The following MAPK8IP3 variants were observed in gnomAD, a reference collection of about 807,000 sequenced individuals.
MAPK8IP3 encodes C-Jun-amino-terminal kinase-interacting protein 3.
A neutral mutation model predicts 157.8 loss-of-function variants in MAPK8IP3; 49 were observed. The observed-to-expected ratio is 0.31, with a 90% confidence interval of 0.25 to 0.39. The LOEUF is 0.39. MAPK8IP3 is among the 10% of genes least tolerant of loss of function. MAPK8IP3 has a pLI of 1.00. For missense variants in MAPK8IP3, 1,478 were observed against 1,889.4 expected (o/e 0.78, Z 4.04); for synonymous variants, 897 against 777.7 (o/e 1.15, Z -2.55).
At chr16:1,754,029 T>C (rs1260468737) in intron 8 of MAPK8IP3, among the ~76,000 whole-genome samples, 1 of 151,706 alleles carries the variant, frequency 6.6e-6, no homozygotes, top group Non-Finnish European at 1.5e-5. Context: ...AAGAATTAAC[T>C]GAGTGCAGTG....
At chr16:1,722,302 C>A (rs1228984899) in intron 1 of MAPK8IP3, among the ~76,000 whole-genome samples, 1 of 152,202 alleles carries the variant, frequency 6.6e-6, no homozygotes, top group East Asian at 1.9e-4. Flanking sequence ...GCCTGCCCCT[C>A]CCGCCTCTGT....
At chr16:1,736,221 C>CAT (rs2039793967) in intron 4 of MAPK8IP3, among the ~76,000 whole-genome samples, 2 of 97,960 alleles carry the variant, frequency 2.0e-5, no homozygotes, top group African/African-American at 8.1e-5. Flanking sequence ...TCCGTGTGAG[C>CAT]GTCCGTGTAA....
chr16:1,744,619 C>T (rs982899693), intron 5 of MAPK8IP3: 2 of 985,452 alleles, frequency 2.0e-6, no homozygotes, highest in Non-Finnish European at 2.4e-6. Context: ...CTTCCCGGGC[C>T]TGGAGCTGGG....
chr16:1,723,435 C>A (rs924981508), intron 1 of MAPK8IP3, among the ~76,000 whole-genome samples: 1 of 152,034 alleles, frequency 6.6e-6, no homozygotes, highest in African/African-American at 2.4e-5. Context: ...ACAGCGTGAG[C>A]CACTGTGCCC....
chr16:1,725,650 AAAG>A (rs964992213), intron 2 of MAPK8IP3, among the ~76,000 whole-genome samples: 11 of 152,242 alleles, frequency 7.2e-5, no homozygotes, highest in South Asian at 2.1e-4. Context: ...AAAATTTAAA[AAAG>A]AAGAAGTGAT....
Position 1,758,167 on chromosome 16 carries a change from T to G in MAPK8IP3, c.1228+8T>G, listed in dbSNP as rs1324002435. 1 of 1,613,670 alleles carries G rather than the reference T, an allele frequency of 6.2e-7. No individual in the cohort carries two copies. The highest frequency in any genetic ancestry group is 1.1e-5 in the South Asian group (1 of 91,024). On this transcript the variant is annotated splice_region_variant and intron_variant, in intron 9 of 31. Transcript: ENST00000610761. ...CGCCAGGGGAGTTCTCAGGTGAGTA[T>G]CTCACTCTCCTGTCTGTCTCCCCTC...
chr16:1,724,315 G>A lies in MAPK8IP3; in HGVS notation c.319-242G>A, dbSNP rs2038726405. On this transcript the variant is annotated intron_variant, in intron 1 of 31. Transcript: ENST00000610761. This position sits in a 1 kb window ranked among gnomAD's most constrained non-coding sequence, Gnocchi z 4.1. ...GCAAATCCTCCCGGGAGAGGAGGGT[G>A]CAATCATGCAGTCCTGGAGGGCTCT... 6.6e-6 allele frequency among the ~76,000 whole-genome samples: 1 copy of A among 152,224 alleles called. No individual in the cohort carries two copies. Among genetic ancestry groups the A allele is most frequent in the Non-Finnish European group, 1.5e-5 (1 of 68,042 alleles).
At chr16:1,720,544 C>T (rs371655839) in intron 1 of MAPK8IP3, among the ~76,000 whole-genome samples, 6 of 152,054 alleles carry the variant, frequency 3.9e-5, no homozygotes, top group African/African-American at 1.4e-4. Context: ...ACAAGATGAT[C>T]GTACATCTGC....
chr16:1,743,634 T>A lies in MAPK8IP3; in HGVS notation c.747+158T>A. 1 of 1,445,994 alleles carries A rather than the reference T, an allele frequency of 6.9e-7. No individual in the cohort carries two copies. The highest frequency in any genetic ancestry group is 9.0e-7 in the Non-Finnish European group (1 of 1,107,222). 89.6% of individuals were successfully genotyped at this position (1,445,994 alleles called of 1,614,324 possible). ...GCAGGATGGAGAAACCCAGCCAGGGTGTCAGGGGCTCAGGCTGCCCAGCAG... is the reference window on the plus strand; with the variant it reads ...GCAGGATGGAGAAACCCAGCCAGGGAGTCAGGGGCTCAGGCTGCCCAGCAG... On this transcript the variant is annotated intron_variant, in intron 5 of 31. Transcript: ENST00000610761. The surrounding 1 kb of genome is among the most constrained non-coding windows in gnomAD (Gnocchi z 5.6).
chr16:1,735,595 G>A (rs1435762603), intron 4 of MAPK8IP3, among the ~76,000 whole-genome samples: 1 of 140,060 alleles, frequency 7.1e-6, no homozygotes, highest in Non-Finnish European at 1.5e-5. Flanking sequence ...CCATCCGTGT[G>A]AGCATCCGTG....
In MAPK8IP3 at chr16:1,748,580, C is replaced by T. The variant is rs760423468; in HGVS notation, c.1098-22C>T. 9 of 1,593,220 alleles carry T rather than the reference C, an allele frequency of 5.6e-6. No individual in the cohort carries two copies. In the African/African-American group the frequency reaches 1.2e-4, roughly 21 times the overall value. ...GCTGCCCACTGACTCTGCTCTCTCT[C>T]CCGACCTGTGGATCCCAACAGCCCA... On this transcript the variant is annotated intron_variant, in intron 7 of 31. Transcript: ENST00000610761.
At chr16:1,758,103 G>T (rs374774701) in intron 8 of MAPK8IP3, 45 bp from the exon 9 acceptor site, 1 of 1,610,384 alleles carries the variant, frequency 6.2e-7, no homozygotes, top group Non-Finnish European at 8.5e-7. Flanking sequence ...ATTGACCTTT[G>T]TCCCTTCCTT....
At chr16:1,749,393 A>T (rs1357370980) in intron 8 of MAPK8IP3, among the ~76,000 whole-genome samples, 2 of 152,102 alleles carry the variant, frequency 1.3e-5, no homozygotes, top group African/African-American at 4.8e-5. Context: ...TGTGCCCATT[A>T]GCCTCGCCGC....
intron 4 of MAPK8IP3, among the ~76,000 whole-genome samples, chr16:1,737,080 C>A (rs1467383124): frequency 2.3e-5 from 1 of 44,326 alleles, no homozygotes; most frequent in African/African-American, 1.0e-4. Context: ...GAGCGTGTGA[C>A]CGTCCGTGTG....
Position 1,706,775 on chromosome 16 carries a change from C to T in MAPK8IP3, c.318+118C>T, listed in dbSNP as rs545751474. Reference sequence around the variant, plus strand: ...CGCTCCGGCACCCCGGACCGCGGGACCCCTGGACCCCCAGACCCCGCCCCG... The same window carrying T: ...CGCTCCGGCACCCCGGACCGCGGGATCCCTGGACCCCCAGACCCCGCCCCG... On this transcript the variant is annotated intron_variant, in intron 1 of 31. Coordinates refer to ENST00000610761, the MANE Select transcript of MAPK8IP3 (RefSeq NM_001318852.2). This position sits in a 1 kb window ranked among gnomAD's most constrained non-coding sequence, Gnocchi z 5.1. The T allele has an allele frequency of 2.6e-6, 3 of 1,149,920 alleles. No individual in the cohort carries two copies. Among genetic ancestry groups the T allele is most frequent in the Admixed American group, 3.1e-5 (1 of 32,042 alleles). The allele number at this position is 1,149,920 out of a possible 1,614,324, so 71.2% of individuals were successfully genotyped here.
intron 5 of MAPK8IP3, 102 bp from the exon 6 acceptor site, chr16:1,746,927 A>C: frequency 7.2e-7 from 1 of 1,397,438 alleles, no homozygotes; most frequent in Non-Finnish European, 9.6e-7. Context: ...GGCGAGGCAA[A>C]GTGCAAAGCA....
Position 1,737,583 on chromosome 16 carries a change from C to T in MAPK8IP3, c.603-5749C>T, listed in dbSNP as rs751978482. ...CCATGTGAGCATCTGTGTGACCGTC[C>T]GTGAGCATCCGTGTGAGCGTGTGAC... On this transcript the variant is annotated intron_variant, in intron 4 of 31. Coordinates refer to ENST00000610761, the MANE Select transcript of MAPK8IP3 (RefSeq NM_001318852.2). Among the ~76,000 whole-genome samples the T allele has an allele frequency of 1.1e-3, 70 of 64,294 alleles. 3 individuals are homozygous for T. The highest frequency in any genetic ancestry group is 1.7e-3 in the Non-Finnish European group (61 of 36,378). The allele number at this position is 64,294 out of a possible 152,430, so 42.2% of individuals were successfully genotyped here.
chr16:1,731,820 G>A (rs2039335196), intron 4 of MAPK8IP3, among the ~76,000 whole-genome samples: 1 of 152,168 alleles, frequency 6.6e-6, no homozygotes. Context: ...TTTCCCCTAG[G>A]GGCAATGGTT....
intron 5 of MAPK8IP3, chr16:1,745,281 G>A: frequency 1.5e-6 from 1 of 648,778 alleles, no homozygotes; most frequent in Non-Finnish European, 1.9e-6. Context: ...GATGTGCACA[G>A]CTACACCCTG....
Sources: allele counts gnomAD v4.1 joint callset (sites outside exome capture counted in the v4.1 genomes callset), GRCh38; gene constraint gnomAD v4.1.1; non-coding constraint Gnocchi (gnomAD v3.1); transcripts MANE v1.5; gene names NCBI Gene and HGNC (gene_info 2026-07-23, HGNC 2026-07-21).